Variants in GNAQ observed in about 807,000 individuals in gnomAD.
GNAQ encodes the protein G protein subunit alpha q.
A neutral mutation model predicts 43.9 loss-of-function variants in GNAQ; 8 were observed. The ratio of observed to expected loss-of-function variants is 0.18; its 90% CI spans 0.11 to 0.33. The LOEUF (loss-of-function observed/expected upper bound fraction) is 0.33, where lower values mean the gene tolerates loss of function less well. Ranked by LOEUF, GNAQ falls within the 10% of genes least tolerant of loss-of-function variation. The probability of loss-of-function intolerance (pLI) is 1.00; values close to 1 mark genes in which losing one functional copy is unlikely to be tolerated. For missense variants in GNAQ, 158 were observed against 450.8 expected, an observed-to-expected ratio of 0.35 and a Z score of 5.88; for synonymous variants, 155 against 170.7, an observed-to-expected ratio of 0.91 and a Z score of 0.71.
chr9:77,853,059 G>A (rs1384834185), intron 2 of GNAQ, among the ~76,000 whole-genome samples: 3 of 152,148 alleles, frequency 2.0e-5, no homozygotes, highest in Non-Finnish European at 4.4e-5. Flanking sequence ...TAGTATTTTA[G>A]AAAAGGAAAA....
chr9:77,828,389 T>G (rs1827240621), intron 2 of GNAQ, among the ~76,000 whole-genome samples: 2 of 152,156 alleles, frequency 1.3e-5, no homozygotes, highest in African/African-American at 4.8e-5. Flanking sequence ...ATAGATCTGG[T>G]GAAGAATGGA....
chr9:77,726,707 G>C (rs1293002916), intron 6 of GNAQ, among the ~76,000 whole-genome samples: 1 of 152,182 alleles, frequency 6.6e-6, no homozygotes, highest in Non-Finnish European at 1.5e-5. Flanking sequence ...CTCTATGGTA[G>C]ATACTTTTGG....
At chr9:77,793,411 T>A (rs1826607972) in intron 5 of GNAQ, among the ~76,000 whole-genome samples, 1 of 152,134 alleles carries the variant, frequency 6.6e-6, no homozygotes, top group African/African-American at 2.4e-5. Flanking sequence ...ACTTTATCAA[T>A]CCTATACATA....
At chr9:77,758,312 T>C (rs1825935475) in intron 5 of GNAQ, among the ~76,000 whole-genome samples, 1 of 152,232 alleles carries the variant, frequency 6.6e-6, no homozygotes, top group Non-Finnish European at 1.5e-5. Flanking sequence ...GGCATCAACA[T>C]ATAAGGGTTG....
intron 3 of GNAQ, among the ~76,000 whole-genome samples, chr9:77,807,331 CAA>C (rs1426792155): frequency 6.6e-6 from 1 of 152,144 alleles, no homozygotes; most frequent in Non-Finnish European, 1.5e-5. Context: ...AGCCCTCTTA[CAA>C]AAGACTGTCA....
At chr9:77,923,346 CT>C (rs1365775995) in intron 1 of GNAQ, among the ~76,000 whole-genome samples, 1 of 152,088 alleles carries the variant, frequency 6.6e-6, no homozygotes, top group Non-Finnish European at 1.5e-5. Context: ...TTGTGATTAG[CT>C]TTTTTTCCTT....
intron 1 of GNAQ, among the ~76,000 whole-genome samples, chr9:77,991,614 G>A (rs951999237): frequency 6.6e-6 from 1 of 151,764 alleles, no homozygotes; most frequent in African/African-American, 2.4e-5. Context: ...ATGGTTTTTG[G>A]TGATGTAGGT....
At chr9:77,759,888 C>T (rs1239180735) in intron 5 of GNAQ, among the ~76,000 whole-genome samples, 7 of 110,090 alleles carry the variant, frequency 6.4e-5, no homozygotes, top group Admixed American at 1.9e-4. Context: ...CTTTTTCTCT[C>T]TCTTTTTTTC....
At chr9:77,870,665 T>A (rs1475932667) in intron 2 of GNAQ, among the ~76,000 whole-genome samples, 1 of 152,064 alleles carries the variant, frequency 6.6e-6, no homozygotes, top group Non-Finnish European at 1.5e-5. Flanking sequence ...TAGGTCTCAC[T>A]CCAGTCACAT....
chr9:77,727,193 A>AT (rs926829188), intron 6 of GNAQ, among the ~76,000 whole-genome samples: 4 of 149,504 alleles, frequency 2.7e-5, no homozygotes, highest in Non-Finnish European at 5.9e-5. Flanking sequence ...CTCCTGCCTC[A>AT]TTTTTTATAG....
At chr9:77,745,602 G>GAA (rs1564097647) in intron 5 of GNAQ, among the ~76,000 whole-genome samples, 1 of 17,772 alleles carries the variant, frequency 5.6e-5, no homozygotes, top group African/African-American at 1.5e-4. Context: ...AGCAGGTCAT[G>GAA]CACACACACA....
chr9:77,862,008 TAA>T lies in GNAQ; in HGVS notation c.322-46240_322-46239del, dbSNP rs56145947. ...GGACAGAGCAAGACTCTGTCTGGGG[TAA>T]AAAAAAAAAAAAAAAAAAAAAGAGG... On this transcript the variant is annotated intron_variant, in intron 2 of 6. Transcript: ENST00000286548. 3.7e-3 allele frequency among the ~76,000 whole-genome samples: 434 copies of T among 118,086 alleles called. 14 individuals carry two copies. The highest frequency in any genetic ancestry group is 7.9e-3 in the African/African-American group (222 of 28,190). 77.5% of individuals were successfully genotyped at this position (118,086 alleles called of 152,430 possible). A position where few individuals can be genotyped will look rare whatever the true frequency, so the allele number is the denominator to read the frequency against.
intron 5 of GNAQ, among the ~76,000 whole-genome samples, chr9:77,785,967 T>C (rs543595651): frequency 7.2e-4 from 110 of 152,194 alleles, no homozygotes; most frequent in Non-Finnish European, 1.1e-3. Flanking sequence ...TTGATAACTT[T>C]TATACTGGTA....
chr9:77,997,603 G>C, intron 1 of GNAQ, among the ~76,000 whole-genome samples: 1 of 152,112 alleles, frequency 6.6e-6, no homozygotes, highest in African/African-American at 2.4e-5. Flanking sequence ...CTGTGGTCAA[G>C]AGCCACGCCA....
At chr9:77,792,917 T>G (rs1045906540) in intron 5 of GNAQ, among the ~76,000 whole-genome samples, 1 of 152,100 alleles carries the variant, frequency 6.6e-6, no homozygotes, top group Non-Finnish European at 1.5e-5. Flanking sequence ...AAAGCATATC[T>G]TGTTTATAAG....
intron 3 of GNAQ, among the ~76,000 whole-genome samples, chr9:77,806,502 C>T (rs971719961): frequency 5.3e-5 from 8 of 152,028 alleles, no homozygotes; most frequent in African/African-American, 1.2e-4. Flanking sequence ...AAGAGAGCAC[C>T]GATGAATCAA....
intron 2 of GNAQ, among the ~76,000 whole-genome samples, chr9:77,842,824 G>T (rs919012460): frequency 1.3e-5 from 2 of 152,104 alleles, no homozygotes; most frequent in Admixed American, 1.3e-4. Context: ...ATGGGTACGT[G>T]TATCTTCTGC....
chr9:77,847,491 T>C (rs1227355088), intron 2 of GNAQ, among the ~76,000 whole-genome samples: 1 of 152,104 alleles, frequency 6.6e-6, no homozygotes, highest in Non-Finnish European at 1.5e-5. Context: ...TACAATTTGC[T>C]ACAGCAGATA....
intron 2 of GNAQ, among the ~76,000 whole-genome samples, chr9:77,885,112 A>T (rs1410756978): frequency 3.3e-5 from 5 of 152,174 alleles, no homozygotes; most frequent in Admixed American, 6.5e-5. Context: ...GGTTTTAGAG[A>T]TATTTGTCCC....
Sources: allele counts gnomAD v4.1 joint callset (sites outside exome capture counted in the v4.1 genomes callset), GRCh38; gene constraint gnomAD v4.1.1; transcripts MANE v1.5; gene names NCBI Gene and HGNC (gene_info 2026-07-23, HGNC 2026-07-21).